Variants in DISC1 observed in about 807,000 individuals in gnomAD.
DISC1 encodes the protein disrupted in schizophrenia 1 protein.
In DISC1, 57 loss-of-function variants were observed where a neutral mutation model predicts 84.5. The ratio of observed to expected loss-of-function variants is 0.67; its 90% CI spans 0.55 to 0.84. The LOEUF (loss-of-function observed/expected upper bound fraction) is 0.84. Among genes scored for constraint, DISC1 ranks in the 40% least tolerant of loss-of-function variants. The probability of loss-of-function intolerance (pLI) is 0.00; values close to 1 mark genes in which losing one functional copy is unlikely to be tolerated. For synonymous variants in DISC1, 411 were observed against 415.2 expected (o/e 0.99, Z 0.12); for missense variants, 1,000 against 1,057.8 (o/e 0.95, Z 0.76).
intron 3 of DISC1, among the ~76,000 whole-genome samples, chr1:231,714,958 T>G (rs1450695120): frequency 1.3e-5 from 2 of 152,234 alleles, no homozygotes; most frequent in Non-Finnish European, 2.9e-5. Flanking sequence ...AAAGAACTTG[T>G]GGGCATATTT....
chr1:231,833,236 G>A (rs1458030582), intron 9 of DISC1, among the ~76,000 whole-genome samples: 2 of 151,024 alleles, frequency 1.3e-5, no homozygotes, highest in African/African-American at 5.0e-5. Flanking sequence ...AAAGAGTATT[G>A]TCAAAGTTGG....
intron 9 of DISC1, among the ~76,000 whole-genome samples, chr1:231,909,554 G>A (rs2088998806): frequency 6.6e-6 from 1 of 152,176 alleles, no homozygotes; most frequent in Non-Finnish European, 1.5e-5. Flanking sequence ...TTTTTGATGT[G>A]CTGCTGGATT....
intron 9 of DISC1, among the ~76,000 whole-genome samples, chr1:231,888,503 G>C (rs1359632687): frequency 2.0e-5 from 3 of 151,146 alleles, no homozygotes; most frequent in Non-Finnish European, 4.4e-5. Context: ...CCAGCACTTT[G>C]GGAGGCCGAG....
chr1:231,985,849 C>T (rs1406658977), intron 10 of DISC1, among the ~76,000 whole-genome samples: 1 of 152,114 alleles, frequency 6.6e-6, no homozygotes, highest in African/African-American at 2.4e-5. Flanking sequence ...CACATGAGTT[C>T]CTAAGTGCTA....
In DISC1 at chr1:231,685,219, C is replaced by T. The variant is rs571815571; in HGVS notation, c.68-8607C>T. On this transcript the variant is annotated intron_variant, in intron 1 of 12. Coordinates refer to ENST00000439617, the MANE Select transcript of DISC1 (RefSeq NM_018662.3). Reference sequence around the variant, plus strand: ...TGCGCTATCTTCATATCGATGTCTACCTTTCTCTTTGTGTATATGTGTTTA... The same window carrying T: ...TGCGCTATCTTCATATCGATGTCTATCTTTCTCTTTGTGTATATGTGTTTA... The T allele has an allele frequency of 2.6e-5, 4 of 152,242 alleles. No individual in the cohort carries two copies. In the East Asian group the frequency reaches 7.7e-4, roughly 29 times the overall value. The allele number at this position is 152,242 out of a possible 1,614,324, so 9.4% of individuals were successfully genotyped here. A position where few individuals can be genotyped will look rare whatever the true frequency, so the allele number is the denominator to read the frequency against.
At chr1:231,704,220 T>C (rs1432180561) in intron 3 of DISC1, among the ~76,000 whole-genome samples, 2 of 152,190 alleles carry the variant, frequency 1.3e-5, no homozygotes, top group Non-Finnish European at 2.9e-5. Context: ...GCCCTCTGAA[T>C]GCATGGAGGC....
At chr1:232,024,627 C>G (rs1272927139) in intron 11 of DISC1, among the ~76,000 whole-genome samples, 1 of 151,332 alleles carries the variant, frequency 6.6e-6, no homozygotes, top group Non-Finnish European at 1.5e-5. Flanking sequence ...GCGTCTTGCT[C>G]TGTTGTCCAG....
chr1:231,669,768 C>T (rs528878446), intron 1 of DISC1, among the ~76,000 whole-genome samples: 27 of 151,960 alleles, frequency 1.8e-4, no homozygotes, highest in African/African-American at 5.1e-4. Context: ...TATATGCTGT[C>T]GGTGGGAGTG....
At position 231,939,131 on chromosome 1, in the gene DISC1, C is replaced by T. The variant is rs534362564; in HGVS notation, c.1982-19697C>T. On this transcript the variant is annotated intron_variant, in intron 9 of 12. Coordinates refer to ENST00000439617, the MANE Select transcript of DISC1 (RefSeq NM_018662.3). ...ACTTTGCTTATTATTAGCTGTCTTC[C>T]CTCTTGGAATGTCAGCACATATGTG... Among the ~76,000 whole-genome samples, 3 of 152,178 alleles carry T rather than the reference C, an allele frequency of 2.0e-5. No homozygotes were observed. In the East Asian group the frequency reaches 5.8e-4, roughly 29 times the overall value.
At chr1:231,648,092 C>T (rs2060288730) in intron 1 of DISC1, among the ~76,000 whole-genome samples, 1 of 152,222 alleles carries the variant, frequency 6.6e-6, no homozygotes, top group Non-Finnish European at 1.5e-5. Context: ...ACTTCCAACA[C>T]TATGTTGAAT....
At chr1:231,840,554 G>C (rs974170983) in intron 9 of DISC1, among the ~76,000 whole-genome samples, 1 of 152,106 alleles carries the variant, frequency 6.6e-6, no homozygotes, top group Non-Finnish European at 1.5e-5. Context: ...GGTCTCAAAA[G>C]GCTACAGCTG....
intron 9 of DISC1, among the ~76,000 whole-genome samples, chr1:231,863,575 G>A (rs2084837532): frequency 6.6e-6 from 1 of 152,212 alleles, no homozygotes; most frequent in African/African-American, 2.4e-5. Flanking sequence ...TTGAATTCAG[G>A]TAGATTCGAA....
chr1:231,923,299 A>G (rs2090122090), intron 9 of DISC1, among the ~76,000 whole-genome samples: 1 of 149,690 alleles, frequency 6.7e-6, no homozygotes, highest in East Asian at 1.9e-4. Flanking sequence ...AAACAAAACA[A>G]AAAAAACCAA....
intron 10 of DISC1, among the ~76,000 whole-genome samples, chr1:232,004,453 A>G (rs1667086369): frequency 6.6e-6 from 1 of 152,142 alleles, no homozygotes; most frequent in Admixed American, 6.5e-5. Flanking sequence ...TACATTTGAA[A>G]TTCATTAAAA....
Position 231,729,545 on chromosome 1 carries a change from G to A in DISC1, c.1118-20381G>A, listed in dbSNP as rs534612362. On this transcript the variant is annotated intron_variant, in intron 3 of 12. Coordinates refer to ENST00000439617, the MANE Select transcript of DISC1 (RefSeq NM_018662.3). ...TATTAACATTGCCTTTGAATTGAAG[G>A]TCACTGTTTTATTTGTATTGCTGCT... Among the ~76,000 whole-genome samples, 15 of 152,272 alleles carry A rather than the reference G, an allele frequency of 9.9e-5. No homozygotes were observed. In the East Asian group the frequency reaches 2.9e-3, roughly 29 times the overall value.
chr1:231,908,947 T>C (rs2088946123), intron 9 of DISC1, among the ~76,000 whole-genome samples: 1 of 152,194 alleles, frequency 6.6e-6, no homozygotes, highest in African/African-American at 2.4e-5. Context: ...GAATGGGAGT[T>C]CACTCATGAT....
At chr1:231,936,406 G>A (rs2090983765) in intron 9 of DISC1, among the ~76,000 whole-genome samples, 1 of 152,140 alleles carries the variant, frequency 6.6e-6, no homozygotes, top group Non-Finnish European at 1.5e-5. Flanking sequence ...CTGCAGGTGA[G>A]GTGGCATGTG....
At chr1:231,804,904 T>C (rs1327897469) in intron 8 of DISC1, among the ~76,000 whole-genome samples, 1 of 152,114 alleles carries the variant, frequency 6.6e-6, no homozygotes, top group African/African-American at 2.4e-5. Flanking sequence ...GGAAGCGTAA[T>C]CCGGCCATGT....
chr1:231,769,064 T>C (rs1253806695), intron 5 of DISC1, among the ~76,000 whole-genome samples: 1 of 152,148 alleles, frequency 6.6e-6, no homozygotes, highest in African/African-American at 2.4e-5. Context: ...AGGGGCCTTG[T>C]AAGGATGTGG....
Sources: allele counts gnomAD v4.1 joint callset (sites outside exome capture counted in the v4.1 genomes callset), GRCh38; gene constraint gnomAD v4.1.1; transcripts MANE v1.5; gene names NCBI Gene and HGNC (gene_info 2026-07-23, HGNC 2026-07-21).